PSMD14: variants seen among roughly 807,000 people sequenced by gnomAD.
PSMD14 encodes the protein proteasome 26S subunit, non-ATPase 14.
In PSMD14, 7 loss-of-function variants were observed where a neutral mutation model predicts 41.2. The observed-to-expected ratio is 0.17, with a 90% CI of 0.10 to 0.32. The LOEUF (loss-of-function observed/expected upper bound fraction) is 0.32, where lower values mean the gene tolerates loss of function less well. PSMD14 is among the 10% of genes least tolerant of loss of function. The pLI is 1.00. For synonymous variants in PSMD14, 114 were observed against 122.3 expected, an observed-to-expected ratio of 0.93 and a Z score of 0.45; for missense variants, 139 against 375.6, an observed-to-expected ratio of 0.37 and a Z score of 5.21.
chr2:161,309,946 C>T (rs954539188), intron 1 of PSMD14, among the ~76,000 whole-genome samples: 2 of 151,962 alleles, frequency 1.3e-5, no homozygotes, highest in African/African-American at 4.8e-5. Context: ...ATGAGATGAT[C>T]CAGCCTGGCC....
intron 3 of PSMD14, among the ~76,000 whole-genome samples, chr2:161,332,479 A>G (rs562746903): frequency 1.3e-5 from 2 of 152,344 alleles, no homozygotes; most frequent in Admixed American, 1.3e-4. Flanking sequence ...ATGAAAAAAG[A>G]GGTACAGAGA....
chr2:161,371,843 T>C (rs1683438574), intron 7 of PSMD14, among the ~76,000 whole-genome samples: 1 of 152,286 alleles, frequency 6.6e-6, no homozygotes, highest in East Asian at 1.9e-4. Context: ...AAATGAATGA[T>C]TAAATATGCT....
At chr2:161,399,784 AC>A in intron 10 of PSMD14, among the ~76,000 whole-genome samples, 1 of 152,324 alleles carries the variant, frequency 6.6e-6, no homozygotes, top group East Asian at 1.9e-4. Flanking sequence ...AGTAATTGAT[AC>A]ATTTTTGGAG....
At chr2:161,310,274 A>G (rs1170698912) in intron 1 of PSMD14, among the ~76,000 whole-genome samples, 2 of 152,230 alleles carry the variant, frequency 1.3e-5, no homozygotes. Context: ...GAAAGTCAAT[A>G]AATATTATTG....
intron 7 of PSMD14, among the ~76,000 whole-genome samples, chr2:161,376,822 G>A (rs187595352): frequency 2.3e-4 from 35 of 152,010 alleles, no homozygotes; most frequent in Admixed American, 1.0e-3. Flanking sequence ...AATTCAGTGC[G>A]TTGCAATAGT....
At chr2:161,378,993 T>A (rs1683539348) in intron 7 of PSMD14, among the ~76,000 whole-genome samples, 1 of 152,052 alleles carries the variant, frequency 6.6e-6, no homozygotes, top group South Asian at 2.1e-4. Context: ...ATACTTTGTA[T>A]TTTTGTTTGA....
chr2:161,313,415 C>T (rs1689111866), intron 1 of PSMD14, among the ~76,000 whole-genome samples: 1 of 152,024 alleles, frequency 6.6e-6, no homozygotes, highest in African/African-American at 2.4e-5. Flanking sequence ...AGTGGTACCA[C>T]CTTGGCTCAC....
chr2:161,335,575 T>G (rs1283931168), intron 3 of PSMD14, among the ~76,000 whole-genome samples: 1 of 152,266 alleles, frequency 6.6e-6, no homozygotes, highest in Non-Finnish European at 1.5e-5. Context: ...AAGGATGGCT[T>G]GCTTTCCCAT....
chr2:161,332,363 A>T (rs934478476), intron 3 of PSMD14, among the ~76,000 whole-genome samples: 1 of 152,196 alleles, frequency 6.6e-6, no homozygotes, highest in African/African-American at 2.4e-5. Flanking sequence ...TAGTGCTTCT[A>T]ATTGCCAAAA....
At chr2:161,389,889 G>GTTTTTTTTTTTT (rs1162637393) in intron 8 of PSMD14, among the ~76,000 whole-genome samples, 2 of 20,050 alleles carry the variant, frequency 1.0e-4, no homozygotes, top group South Asian at 2.6e-3. Flanking sequence ...CTTTTTTGTT[G>GTTTTTTTTTTTT]TTTTTTTTTT....
At chr2:161,361,385 A>G (rs941890055) in intron 3 of PSMD14, among the ~76,000 whole-genome samples, 3 of 152,190 alleles carry the variant, frequency 2.0e-5, no homozygotes, top group African/African-American at 7.2e-5. Context: ...AGATTATAAC[A>G]ATTAGCCACA....
intron 9 of PSMD14, 54 bp downstream of exon 9, chr2:161,391,232 A>G (rs545846063): frequency 2.8e-6 from 4 of 1,448,226 alleles, no homozygotes; most frequent in African/African-American, 1.4e-5. Context: ...CAAACCATTT[A>G]AACTATTACC....
chr2:161,395,143 T>C lies in PSMD14; in HGVS notation c.711T>C (p.His237=), dbSNP rs1376995514. 5 of 1,600,316 alleles carry C rather than the reference T, an allele frequency of 3.1e-6. No individual in the cohort carries two copies. Among genetic ancestry groups the C allele is most frequent in the East Asian group, 2.2e-5 (1 of 44,616 alleles). ...EGLTLQDYSE[H]CKHNESVVKE... is the part of the protein sequence containing the mutation. ...TGACACTTCAGGACTACAGTGAACATTGTAAACACAATGAATCAGTGGTAA... is the reference window on the plus strand; with the variant it reads ...TGACACTTCAGGACTACAGTGAACACTGTAAACACAATGAATCAGTGGTAA... The change falls in exon 10 of 12, where the codon CAT becomes CAC. Residue 237 remains histidine (H), a synonymous_variant. Coordinates refer to ENST00000409682, the MANE Select transcript of PSMD14 (RefSeq NM_005805.6).
In PSMD14 at chr2:161,370,118, G is replaced by A; in HGVS notation, c.252G>A (p.Val84=). 6.3e-7 allele frequency: 1 copy of A among 1,587,594 alleles called. No homozygotes were observed. The highest frequency in any genetic ancestry group is 1.2e-5 in the South Asian group (1 of 86,334). ...AMPQSGTGVS[V]EAVDPVFQAK... Reference sequence around the variant, plus strand: ...TCTTTCTAAATCAGGGTGTCAGTGTGGAGGCAGTTGATCCAGTGTTCCAAG... The same window carrying A: ...TCTTTCTAAATCAGGGTGTCAGTGTAGAGGCAGTTGATCCAGTGTTCCAAG... The change falls in exon 6 of 12, where the codon GTG becomes GTA. Residue 84 remains valine, a synonymous_variant. Transcript: ENST00000409682.
At chr2:161,367,045 TCTC>T (rs923277674) in intron 3 of PSMD14, among the ~76,000 whole-genome samples, 4 of 152,322 alleles carry the variant, frequency 2.6e-5, no homozygotes, top group East Asian at 1.9e-4. Context: ...TCTTTCCCCT[TCTC>T]CTCCACTGTT....
chr2:161,396,168 A>G (rs1683790529), intron 10 of PSMD14, among the ~76,000 whole-genome samples: 1 of 152,242 alleles, frequency 6.6e-6, no homozygotes, highest in African/African-American at 2.4e-5. Context: ...TTAAAGCATA[A>G]GTAAGACTTG....
intron 7 of PSMD14, chr2:161,381,547 C>A (rs1183091604): frequency 4.0e-5 from 6 of 151,670 alleles, no homozygotes; most frequent in Non-Finnish European, 5.9e-5. Context: ...TAGCTTCCTT[C>A]GGATGTAAAA....
At chr2:161,341,119 C>A in intron 3 of PSMD14, 1 of 1,327,932 alleles carries the variant, frequency 7.5e-7, no homozygotes, top group East Asian at 3.2e-5. Context: ...TCCTCCGGCC[C>A]CGCGGGCGAG....
At chr2:161,353,832 A>G (rs1347909702) in intron 3 of PSMD14, among the ~76,000 whole-genome samples, 1 of 152,150 alleles carries the variant, frequency 6.6e-6, no homozygotes, top group African/African-American at 2.4e-5. Context: ...ATAAATAAAA[A>G]CGTAGATTAT....
Sources: allele counts gnomAD v4.1 joint callset (sites outside exome capture counted in the v4.1 genomes callset), GRCh38; gene constraint gnomAD v4.1.1; transcripts MANE v1.5; gene names NCBI Gene and HGNC (gene_info 2026-07-23, HGNC 2026-07-21).